The following PDHX variants were observed in gnomAD, a reference collection of about 807,000 sequenced individuals.
The protein encoded by PDHX is pyruvate dehydrogenase complex component X, also known as pyruvate dehydrogenase protein X component, mitochondrial.
PDHX carries 33 observed loss-of-function variants against 55.3 expected under a neutral mutation model. The ratio of observed to expected loss-of-function variants is 0.60; its 90% CI spans 0.45 to 0.80. PDHX has a LOEUF of 0.80. PDHX is among the 30% of genes least tolerant of loss of function. The pLI, the probability that PDHX is intolerant of heterozygous loss-of-function variation, is 0.00. For synonymous variants in PDHX, 226 were observed against 219.4 expected (o/e 1.03, Z -0.27); for missense variants, 622 against 619.9 (o/e 1.00, Z -0.04).
intron 6 of PDHX, among the ~76,000 whole-genome samples, chr11:34,967,479 TC>T (rs1050164808): frequency 3.9e-4 from 60 of 152,320 alleles, no homozygotes; most frequent in African/African-American, 1.4e-3. Context: ...TGACACTAGC[TC>T]CCTTTTGTGG....
chr11:34,958,553 G>A (rs1017619359), intron 4 of PDHX, among the ~76,000 whole-genome samples: 4 of 152,034 alleles, frequency 2.6e-5, no homozygotes, highest in Admixed American at 6.6e-5. Context: ...CGCCTGCCTC[G>A]GCCTCCCAAA....
Position 34,947,592 on chromosome 11 carries a change from T to G in PDHX, c.328T>G (p.Leu110Val). 6.2e-7 allele frequency: 1 copy of G among 1,608,872 alleles called. No individual in the cohort carries two copies. The part of the protein sequence containing the change: ...VTLDASDDGI[L>V]AKIVVEEGSK... Reference sequence around the variant, plus strand: ...CTTAGATGCAAGTGATGATGGAATCTTGGCCAAAATCGTGGTAAGTTTTTA... The same window carrying G: ...CTTAGATGCAAGTGATGATGGAATCGTGGCCAAAATCGTGGTAAGTTTTTA... The change falls in exon 3 of 11, where the codon TTG becomes GTG. Residue 110 changes from leucine (L) to valine (V), a missense_variant. By Grantham distance (32) the Leu-to-Val change is conservative (BLOSUM62 1). Transcript: ENST00000227868.
At position 34,994,991 on chromosome 11, in the gene PDHX, T is replaced by C. The variant is rs1010393267; in HGVS notation, c.1325T>C (p.Val442Ala). The C allele has an allele frequency of 1.2e-6, 2 of 1,613,942 alleles. No individual in the cohort carries two copies. Among genetic ancestry groups the C allele is most frequent in the Non-Finnish European group, 1.7e-6 (2 of 1,179,948 alleles). ...CCTCCTCAGGCCTGCATTTTGGCGG[T>C]TGGGAGGTTCCGACCTGTGCTGAAG... ...INPPQACILAVGRFRPVLKLT... is the reference protein window; with the variant it reads ...INPPQACILAAGRFRPVLKLT... The change falls in exon 11 of 11, where the codon GTT becomes GCT. Residue 442 changes from valine to alanine, a missense_variant. Coordinates refer to ENST00000227868, the MANE Select transcript of PDHX (RefSeq NM_003477.3).
At chr11:34,981,222 T>C (rs1254664616) in intron 8 of PDHX, among the ~76,000 whole-genome samples, 1 of 152,102 alleles carries the variant, frequency 6.6e-6, no homozygotes, top group Non-Finnish European at 1.5e-5. Flanking sequence ...CATTGTTCAA[T>C]TCCCACCTAT....
In PDHX at chr11:34,958,238, T is replaced by C. The variant is rs370070290; in HGVS notation, c.542+655T>C. On this transcript the variant is annotated intron_variant, in intron 4 of 10. Transcript: ENST00000227868. ...CTTCATAAAGTAGACCTCTTCATTC[T>C]TAAACATTTTTTCCTTTAGTTTATC... 1.9e-4 allele frequency among the ~76,000 whole-genome samples: 29 copies of C among 152,330 alleles called. No homozygotes were observed. The East Asian group carries it at 5.2e-3, about 27-fold the overall frequency.
intron 8 of PDHX, among the ~76,000 whole-genome samples, chr11:34,979,910 A>G (rs904260457): frequency 2.0e-5 from 3 of 151,548 alleles, no homozygotes; most frequent in Admixed American, 1.3e-4. Flanking sequence ...CTCTGTACAC[A>G]TTTCAATATT....
rs971517079 is a variant in PDHX, at chr11:34,988,375, G to T, written c.1182+3647G>T. Among the ~76,000 whole-genome samples the T allele has an allele frequency of 2.0e-5, 3 of 152,144 alleles. No homozygotes were observed. The South Asian group carries it at 6.2e-4, about 32-fold the overall frequency. On this transcript the variant is annotated intron_variant, in intron 9 of 10. Coordinates refer to ENST00000227868, the MANE Select transcript of PDHX (RefSeq NM_003477.3). ...GAAGCAACTGATGGGAAAAAAGAGA[G>T]GTTAAATAATTTGCCCCAAATCTTA...
rs566135195 is a variant in PDHX at position 34,992,558 on chromosome 11, C to A, written c.1247+179C>A. On this transcript the variant is annotated intron_variant, in intron 10 of 10. Coordinates refer to ENST00000227868, the MANE Select transcript of PDHX (RefSeq NM_003477.3). ...GACTAGTCAGGCTTTCATATTAAAG[C>A]TAGTAGGAACCTATTAGTGTTGAAC... Among the ~76,000 whole-genome samples, 87 of 152,008 alleles carry A rather than the reference C, an allele frequency of 5.7e-4. 1 individual carries two copies. The highest frequency in any genetic ancestry group is 1.0e-3 in the Non-Finnish European group (71 of 67,980).
chr11:34,991,562 G>C lies in PDHX; in HGVS notation c.1183-753G>C, dbSNP rs147988818. Among the ~76,000 whole-genome samples, 541 of 152,202 alleles carry C rather than the reference G, an allele frequency of 3.6e-3. 11 individuals are homozygous for C. The highest frequency in any genetic ancestry group is 3.1e-3 in the East Asian group (16 of 5,182). On this transcript the variant is annotated intron_variant, in intron 9 of 10. Coordinates refer to ENST00000227868, the MANE Select transcript of PDHX (RefSeq NM_003477.3). The stretch of plus-strand genomic sequence containing the variant: ...CTCTGAAAGATAAAAACGGAATGTT[G>C]GTTGTGGGATTGTGGGTATACTACT...
At chr11:34,938,139 T>C (rs1854380145) in intron 2 of PDHX, among the ~76,000 whole-genome samples, 1 of 152,102 alleles carries the variant, frequency 6.6e-6, no homozygotes, top group Admixed American at 6.5e-5. Context: ...AATGAAGAAT[T>C]TGTGAACAGA....
intron 2 of PDHX, among the ~76,000 whole-genome samples, chr11:34,937,911 C>A (rs1052318555): frequency 1.3e-5 from 2 of 152,184 alleles, no homozygotes; most frequent in African/African-American, 4.8e-5. Flanking sequence ...CACAATCCCA[C>A]ATTTAATAAC....
At chr11:34,989,712 C>A (rs1275119714) in intron 9 of PDHX, among the ~76,000 whole-genome samples, 2 of 152,114 alleles carry the variant, frequency 1.3e-5, no homozygotes, top group African/African-American at 4.8e-5. Flanking sequence ...TCTGCAGCTT[C>A]TGTAGCTGAA....
At chr11:34,941,197 T>C (rs1854468364) in intron 2 of PDHX, among the ~76,000 whole-genome samples, 1 of 152,196 alleles carries the variant, frequency 6.6e-6, no homozygotes, top group South Asian at 2.1e-4. Context: ...CCAGGTTGCC[T>C]CAGGTCTTTG....
intron 3 of PDHX, among the ~76,000 whole-genome samples, chr11:34,952,334 A>C (rs1854794278): frequency 6.6e-6 from 1 of 152,124 alleles, no homozygotes; most frequent in Admixed American, 6.5e-5. Context: ...TCCCTAACTC[A>C]TTTTATGAGG....
chr11:34,941,352 T>G (rs17434808), intron 2 of PDHX, among the ~76,000 whole-genome samples: 33,489 of 152,236 alleles, frequency 0.22, 4,879 homozygotes, highest in Non-Finnish European at 0.34. Context: ...GTACTGTTCT[T>G]CAATCAGATT....
chr11:34,931,541 GT>G lies in PDHX; in HGVS notation c.241+68del, dbSNP rs563380006. 305 of 743,566 alleles carry G rather than the reference GT, an allele frequency of 4.1e-4. 1 individual carries two copies. The highest frequency in any genetic ancestry group is 1.0e-3 in the Admixed American group (45 of 44,606). The allele number at this position is 743,566 out of a possible 1,614,324, so 46.1% of individuals were successfully genotyped here. A position where few individuals can be genotyped will look rare whatever the true frequency, so the allele number is the denominator to read the frequency against. The stretch of plus-strand genomic sequence containing the variant: ...CTTTGTTATTTGGTTATTTTGTTTT[GT>G]TTTTTTTTTTCCTAATCTGTCCTGT... On this transcript the variant is annotated intron_variant, in intron 2 of 10. Coordinates refer to ENST00000227868, the MANE Select transcript of PDHX (RefSeq NM_003477.3).
chr11:34,929,301 G>A (rs796592610), intron 1 of PDHX, among the ~76,000 whole-genome samples: 7 of 152,258 alleles, frequency 4.6e-5, no homozygotes, highest in African/African-American at 1.7e-4. Context: ...AGTGATCTTG[G>A]CTCACTGCAA....
At chr11:34,945,709 T>C (rs188036967) in intron 2 of PDHX, among the ~76,000 whole-genome samples, 3 of 152,314 alleles carry the variant, frequency 2.0e-5, no homozygotes, top group South Asian at 2.1e-4. Context: ...TGGATTCATG[T>C]TTATATAGTC....
Position 34,939,717 on chromosome 11 carries a change from T to C in PDHX, c.242-7789T>C, listed in dbSNP as rs868749992. Among the ~76,000 whole-genome samples, 5 of 152,344 alleles carry C rather than the reference T, an allele frequency of 3.3e-5. No individual in the cohort carries two copies. In the South Asian group the frequency reaches 6.2e-4, roughly 19 times the overall value. On this transcript the variant is annotated intron_variant, in intron 2 of 10. Transcript: ENST00000227868. ...ATTTTCTTTTTTTAAGTAACTGAAA[T>C]ATGCAGTATTATAGCATATAAATTA...
Sources: gnomAD v4.1 joint callset for allele counts (sites outside exome capture counted in the v4.1 genomes callset) on GRCh38, gnomAD v4.1.1 for gene constraint, MANE v1.5 for transcripts, NCBI Gene and HGNC (gene_info 2026-07-23, HGNC 2026-07-21) for gene names.